TLN2: variants seen among roughly 807,000 people sequenced by gnomAD.
TLN2 encodes talin 2, also known as talin-2.
A neutral mutation model predicts 294.7 loss-of-function variants in TLN2; 118 were observed. The ratio of observed to expected loss-of-function variants is 0.40; its 90% CI spans 0.34 to 0.47. TLN2 has a LOEUF of 0.47. TLN2 is among the 20% of genes least tolerant of loss of function. The pLI is 0.84. For missense variants in TLN2, 3,083 were observed against 3,282.2 expected (o/e 0.94, Z 1.48); for synonymous variants, 1,431 against 1,304.5 (o/e 1.10, Z -2.09).
intron 10 of TLN2, 21 bp from the exon 11 acceptor site, chr15:62,675,196 C>T (rs1878784): frequency 0.98 from 1,574,280 of 1,613,416 alleles, 773,307 homozygotes; most frequent in Non-Finnish European, 1. Flanking sequence ...TAACTGGTCC[C>T]GACCACTGTC....
intron 1 of TLN2, among the ~76,000 whole-genome samples, chr15:62,406,391 G>A (rs2033406375): frequency 6.6e-6 from 1 of 152,176 alleles, no homozygotes; most frequent in Non-Finnish European, 1.5e-5. Flanking sequence ...GAATTCAAGG[G>A]CCAGCTAGAG....
intron 32 of TLN2, among the ~76,000 whole-genome samples, chr15:62,744,358 C>T (rs2061495315): frequency 6.6e-6 from 1 of 151,738 alleles, no homozygotes. Flanking sequence ...ATTGCAAACA[C>T]CTTGCCATCC....
intron 1 of TLN2, among the ~76,000 whole-genome samples, chr15:62,553,493 G>GA (rs201611065): frequency 2.6e-4 from 38 of 146,400 alleles, no homozygotes; most frequent in African/African-American, 4.5e-4. Flanking sequence ...TCAAAAAAAA[G>GA]AAAAAAAAAA....
chr15:62,748,363 G>A lies in TLN2; in HGVS notation c.4038G>A (p.Glu1346=). Residue 1346 remains glutamate, a synonymous_variant, in exon 33 of 59, where the codon GAG becomes GAA. Transcript: ENST00000636159. ...GTTTCTGTCACAGAGCTGTGACAGA[G>A]AGCATCAATCAACTCATCACTCTGT... ...LLAAAARAVT[E]SINQLITLCT... 6.2e-7 allele frequency: 1 copy of A among 1,609,392 alleles called. No homozygotes were observed. The highest frequency in any genetic ancestry group is 1.3e-5 in the African/African-American group (1 of 74,440).
intron 40 of TLN2, among the ~76,000 whole-genome samples, chr15:62,764,208 C>T (rs887867172): frequency 1.3e-5 from 2 of 152,178 alleles, no homozygotes; most frequent in Admixed American, 1.3e-4. Context: ...AATTTAAAGC[C>T]ACTTTGCCCT....
At chr15:62,836,154 T>G (rs1254960607) in intron 57 of TLN2, 81 bp downstream of exon 57, 1 of 1,523,178 alleles carries the variant, frequency 6.6e-7, no homozygotes, top group Middle Eastern at 2.0e-4. Flanking sequence ...CTCACTTCCT[T>G]GGCATGACCC....
intron 53 of TLN2, among the ~76,000 whole-genome samples, chr15:62,820,143 T>C (rs2067439261): frequency 6.6e-6 from 1 of 152,146 alleles, no homozygotes; most frequent in South Asian, 2.1e-4. Flanking sequence ...ATGTACAGCA[T>C]AGTGTAGTGT....
At chr15:62,804,141 G>A (rs1005638596) in intron 50 of TLN2, among the ~76,000 whole-genome samples, 3 of 152,108 alleles carry the variant, frequency 2.0e-5, no homozygotes, top group African/African-American at 7.2e-5. Flanking sequence ...TCTGTGCTGA[G>A]CCTCCTGAAG....
At chr15:62,530,096 C>T (rs939804126) in intron 1 of TLN2, among the ~76,000 whole-genome samples, 1 of 152,092 alleles carries the variant, frequency 6.6e-6, no homozygotes, top group Non-Finnish European at 1.5e-5. Context: ...GAGGCTGAGG[C>T]AGGAGAATTG....
At chr15:62,726,370 C>T (rs931221116) in intron 27 of TLN2, among the ~76,000 whole-genome samples, 4 of 152,158 alleles carry the variant, frequency 2.6e-5, no homozygotes, top group African/African-American at 9.7e-5. Flanking sequence ...TGTACTCTCG[C>T]AGTATACCTG....
At chr15:62,686,574 C>T in intron 11 of TLN2, 67 bp from the exon 12 acceptor site, 2 of 1,529,804 alleles carry the variant, frequency 1.3e-6, no homozygotes, top group Non-Finnish European at 1.8e-6. Flanking sequence ...CAAAAAATCA[C>T]TGATTCCCTG....
intron 1 of TLN2, among the ~76,000 whole-genome samples, chr15:62,506,024 C>G (rs1376339930): frequency 6.6e-6 from 1 of 152,188 alleles, no homozygotes; most frequent in Non-Finnish European, 1.5e-5. Flanking sequence ...TTTTGGCAGG[C>G]ATTGTTCTAG....
At chr15:62,476,692 G>A (rs1308280419) in intron 1 of TLN2, among the ~76,000 whole-genome samples, 1 of 152,190 alleles carries the variant, frequency 6.6e-6, no homozygotes, top group Non-Finnish European at 1.5e-5. Flanking sequence ...GCAGTTAGGG[G>A]AGTTTTGACC....
At chr15:62,781,263 C>G (rs576217119) in intron 44 of TLN2, 22 bp downstream of exon 44, 1 of 1,583,540 alleles carries the variant, frequency 6.3e-7, no homozygotes, top group Non-Finnish European at 8.7e-7. Flanking sequence ...GAGAGCTGCC[C>G]TCCCCACTGT....
intron 1 of TLN2, among the ~76,000 whole-genome samples, chr15:62,524,347 A>G (rs572799301): frequency 8.5e-5 from 13 of 152,288 alleles, no homozygotes; most frequent in Admixed American, 7.2e-4. Context: ...TCTGTTAACA[A>G]TTTAACAATT....
intron 1 of TLN2, among the ~76,000 whole-genome samples, chr15:62,518,352 T>C (rs1203928120): frequency 1.3e-5 from 2 of 152,094 alleles, no homozygotes; most frequent in African/African-American, 2.4e-5. Flanking sequence ...TATAGTTATT[T>C]GTGTCGGAGG....
At chr15:62,517,650 G>T (rs997651114) in intron 1 of TLN2, among the ~76,000 whole-genome samples, 1 of 152,132 alleles carries the variant, frequency 6.6e-6, no homozygotes, top group Non-Finnish European at 1.5e-5. Flanking sequence ...ATTCTAATTT[G>T]TTTTTTAAAA....
chr15:62,719,690 A>G lies in TLN2; in HGVS notation c.2878-77A>G, dbSNP rs940471964. 4 of 1,237,938 alleles carry G rather than the reference A, an allele frequency of 3.2e-6. No homozygotes were observed. The South Asian group carries it at 4.9e-5, about 15-fold the overall frequency. The allele number at this position is 1,237,938 out of a possible 1,614,324, so 76.7% of individuals were successfully genotyped here. The stretch of plus-strand genomic sequence containing the variant: ...AGTAGATGGCACATCCAAAAAGCGC[A>G]CTTGGGTCATGGTCTAGCTTCTTTG... On this transcript the variant is annotated intron_variant, in intron 24 of 58. Transcript: ENST00000636159.
At chr15:62,413,821 TG>T (rs1175898049) in intron 1 of TLN2, among the ~76,000 whole-genome samples, 1 of 152,206 alleles carries the variant, frequency 6.6e-6, no homozygotes, top group Non-Finnish European at 1.5e-5. Context: ...CTGAAGCCTT[TG>T]ACATTTATGT....
Sources: gnomAD v4.1 joint callset for allele counts (sites outside exome capture counted in the v4.1 genomes callset) on GRCh38, gnomAD v4.1.1 for gene constraint, MANE v1.5 for transcripts, NCBI Gene and HGNC (gene_info 2026-07-23, HGNC 2026-07-21) for gene names.